Variants in REEP1 observed in about 807,000 individuals in gnomAD.
REEP1 encodes the protein receptor expression-enhancing protein 1.
Under a neutral mutation model 40.3 loss-of-function variants are expected in REEP1, and 22 were observed. The ratio of observed to expected loss-of-function variants is 0.55; its 90% CI spans 0.39 to 0.78. The LOEUF is 0.78. Ranked by LOEUF, REEP1 falls within the 30% of genes least tolerant of loss-of-function variation. The probability of loss-of-function intolerance (pLI) is 0.00; values close to 1 mark genes in which losing one functional copy is unlikely to be tolerated. For synonymous variants in REEP1, 116 were observed against 139.2 expected (o/e 0.83, Z 1.17); for missense variants, 280 against 361.1 (o/e 0.78, Z 1.82).
At chr2:86,253,751 G>C (rs17027103) in intron 4 of REEP1, among the ~76,000 whole-genome samples, 2,443 of 152,230 alleles carry the variant, frequency 0.016, 54 homozygotes, top group African/African-American at 0.053. Flanking sequence ...CTCATCCAAC[G>C]GATATGTTTC....
chr2:86,244,854 G>A (rs1166087890), intron 5 of REEP1, among the ~76,000 whole-genome samples: 1 of 152,196 alleles, frequency 6.6e-6, no homozygotes, highest in Non-Finnish European at 1.5e-5. Flanking sequence ...CTTGAAATGG[G>A]GCTAGTACAG....
intron 6 of REEP1, among the ~76,000 whole-genome samples, chr2:86,230,952 G>A (rs1228527236): frequency 6.6e-6 from 1 of 152,212 alleles, no homozygotes; most frequent in African/African-American, 2.4e-5. Flanking sequence ...AGCTGATGCA[G>A]TGTGGAGATG....
chr2:86,324,443 T>C (rs1312899689), intron 1 of REEP1, among the ~76,000 whole-genome samples: 1 of 152,142 alleles, frequency 6.6e-6, no homozygotes, highest in Non-Finnish European at 1.5e-5. Flanking sequence ...ATAAAGAGAT[T>C]ACACTTGGTA....
At chr2:86,327,454 C>T (rs1025840307) in intron 1 of REEP1, among the ~76,000 whole-genome samples, 9 of 151,926 alleles carry the variant, frequency 5.9e-5, no homozygotes, top group Middle Eastern at 3.2e-3. Context: ...AAGGTCAGAG[C>T]GTGGGCAGGA....
intron 7 of REEP1, among the ~76,000 whole-genome samples, chr2:86,225,723 C>G (rs1157762989): frequency 6.6e-6 from 1 of 152,238 alleles, no homozygotes; most frequent in African/African-American, 2.4e-5. Flanking sequence ...CTCCGCGGCA[C>G]CAGGGCTGGA....
chr2:86,232,499 G>T, intron 6 of REEP1, 126 bp downstream of exon 6: 1 of 1,158,110 alleles, frequency 8.6e-7, no homozygotes, highest in Non-Finnish European at 1.3e-6. Context: ...ATGATCTGAT[G>T]GACACCCCGT....
At chr2:86,257,305 C>T (rs993130157) in intron 3 of REEP1, among the ~76,000 whole-genome samples, 2 of 150,676 alleles carry the variant, frequency 1.3e-5, no homozygotes, top group Admixed American at 1.3e-4. Flanking sequence ...TAAAAGATGT[C>T]TTTTAAAAAA....
intron 7 of REEP1, among the ~76,000 whole-genome samples, chr2:86,225,845 T>C (rs2103996329): frequency 6.6e-6 from 1 of 152,308 alleles, no homozygotes; most frequent in East Asian, 1.9e-4. Context: ...GCAGCTTCTC[T>C]ATGGGGAGCC....
At chr2:86,313,491 T>C (rs1488512503) in intron 1 of REEP1, among the ~76,000 whole-genome samples, 1 of 152,168 alleles carries the variant, frequency 6.6e-6, no homozygotes, top group East Asian at 1.9e-4. Context: ...CCTCAACCTC[T>C]TTGTTTTATG....
At chr2:86,303,997 C>T (rs905099586) in intron 1 of REEP1, among the ~76,000 whole-genome samples, 4 of 152,078 alleles carry the variant, frequency 2.6e-5, no homozygotes, top group Non-Finnish European at 5.9e-5. Context: ...ATGAAGCCGA[C>T]CTACTAGCAC....
chr2:86,335,417 G>C (rs957839544), intron 1 of REEP1, among the ~76,000 whole-genome samples: 2 of 152,052 alleles, frequency 1.3e-5, no homozygotes, highest in Non-Finnish European at 2.9e-5. Flanking sequence ...CTCTCCTTGG[G>C]CCACATAATG....
intron 3 of REEP1, among the ~76,000 whole-genome samples, chr2:86,261,151 C>T (rs915416915): frequency 1.3e-5 from 2 of 152,044 alleles, no homozygotes; most frequent in Non-Finnish European, 2.9e-5. Flanking sequence ...GAGACTAACA[C>T]GGGAGGACAG....
rs1558929715 is a variant in REEP1 at position 86,309,992 on chromosome 2, CA to C, written c.32+27486del. Among the ~76,000 whole-genome samples, 7 of 152,236 alleles carry C rather than the reference CA, an allele frequency of 4.6e-5. No individual in the cohort carries two copies. The South Asian group carries it at 1.0e-3, about 23-fold the overall frequency. On this transcript the variant is annotated intron_variant, in intron 1 of 8. Transcript: ENST00000538924. ...AGTGGAGAGGGCAGGTCGTGCAGCACAAACAAGGCTGCCGGGGGCCTACCAT... is the reference window on the plus strand; with the variant it reads ...AGTGGAGAGGGCAGGTCGTGCAGCACAACAAGGCTGCCGGGGGCCTACCAT...
At chr2:86,315,311 G>A (rs1679943610) in intron 1 of REEP1, among the ~76,000 whole-genome samples, 1 of 152,352 alleles carries the variant, frequency 6.6e-6, no homozygotes, top group African/African-American at 2.4e-5. Context: ...GGGCCAGATA[G>A]TGTTGCTGGC....
chr2:86,219,864 G>A, intron 8 of REEP1, 106 bp downstream of exon 8: 1 of 822,042 alleles, frequency 1.2e-6, no homozygotes, highest in Non-Finnish European at 1.6e-6. Context: ...CCCAGGTATT[G>A]AGGAGATGTT....
intron 4 of REEP1, among the ~76,000 whole-genome samples, chr2:86,254,180 C>T (rs1033359391): frequency 6.6e-5 from 10 of 152,174 alleles, no homozygotes; most frequent in Middle Eastern, 3.4e-3. Flanking sequence ...TAAAAAAATT[C>T]TACATAAAAT....
chr2:86,277,501 A>G (rs145296190), intron 2 of REEP1, among the ~76,000 whole-genome samples: 6,465 of 151,314 alleles, frequency 0.043, 472 homozygotes, highest in African/African-American at 0.15. Context: ...GGTTGCAGTG[A>G]GCCGAGATCG....
At chr2:86,320,512 AGAAAAAAAG>A (rs1161181172) in intron 1 of REEP1, among the ~76,000 whole-genome samples, 1 of 152,248 alleles carries the variant, frequency 6.6e-6, no homozygotes, top group Non-Finnish European at 1.5e-5. Context: ...GGGAGCCACC[AGAAAAAAAG>A]AGATCTAAAT....
At chr2:86,305,171 C>A (rs1679426038) in intron 1 of REEP1, among the ~76,000 whole-genome samples, 1 of 152,162 alleles carries the variant, frequency 6.6e-6, no homozygotes, top group Non-Finnish European at 1.5e-5. Context: ...GGGTTCTGCG[C>A]CCTCATGAGG....
Sources: allele counts gnomAD v4.1 joint callset (sites outside exome capture counted in the v4.1 genomes callset), GRCh38; gene constraint gnomAD v4.1.1; transcripts MANE v1.5; gene names NCBI Gene and HGNC (gene_info 2026-07-23, HGNC 2026-07-21).